UBXN6: variants seen among roughly 807,000 people sequenced by gnomAD.
The protein encoded by UBXN6 is UBX domain-containing protein 6.
UBXN6 carries 44 observed loss-of-function variants against 51.4 expected under a neutral mutation model. The ratio of observed to expected loss-of-function variants is 0.86; its 90% confidence interval spans 0.67 to 1.10. The LOEUF is 1.10. Among genes scored for constraint, UBXN6 ranks in the 50% least tolerant of loss-of-function variants. UBXN6 has a pLI of 0.00. For missense variants in UBXN6, 672 were observed against 596.1 expected, an observed-to-expected ratio of 1.13 and a Z score of -1.32; for synonymous variants, 316 against 263.2, an observed-to-expected ratio of 1.20 and a Z score of -1.94.
Position 4,457,769 on chromosome 19 carries a change from C to G in UBXN6, c.-72G>C. On this transcript the variant is annotated 5_prime_UTR_variant, in exon 1 of 11. Coordinates refer to ENST00000301281, the MANE Select transcript of UBXN6 (RefSeq NM_025241.3). ...CGGGGCCCAGTCGGGGACGGGGCCG[C>G]CGGAGACCAGCCACCGGAAGAAAAT... is the stretch of plus-strand genomic sequence containing the variant. 1 of 743,142 alleles carries G rather than the reference C, an allele frequency of 1.3e-6. No homozygotes were observed. The highest frequency in any genetic ancestry group is 1.9e-6 in the Non-Finnish European group (1 of 533,184). 46.0% of individuals were successfully genotyped at this position (743,142 alleles called of 1,614,324 possible).
chr19:4,453,757 A>C (rs1974695025), intron 2 of UBXN6, among the ~76,000 whole-genome samples, 173 bp downstream of exon 2: 2 of 149,026 alleles, frequency 1.3e-5, no homozygotes, highest in African/African-American at 2.5e-5. Flanking sequence ...CTCTGCTCCC[A>C]CCCCCTCCCC....
At chr19:4,447,528 G>T (rs200183933) in intron 6 of UBXN6, 22 bp downstream of exon 6, 106 of 1,611,238 alleles carry the variant, frequency 6.6e-5, no homozygotes, top group Admixed American at 1.3e-4. Context: ...CCTGGGCCCC[G>T]GGGGCCAGAA....
At chr19:4,447,914 AAG>A (rs533661161) in intron 5 of UBXN6, 66 of 508,748 alleles carry the variant, frequency 1.3e-4, no homozygotes, top group African/African-American at 1.1e-3. Context: ...ACAGTGCCGG[AAG>A]AGTGGAGAGC....
intron 4 of UBXN6, chr19:4,449,639 G>A (rs570297464): frequency 1.2e-3 from 186 of 152,424 alleles, no homozygotes; most frequent in Admixed American, 2.1e-3. Context: ...CGTTTTGGGC[G>A]ACTGGCTGCC....
In UBXN6 at chr19:4,445,430, G is replaced by A. The variant is rs1974485529; in HGVS notation, c.*68C>T. 1 of 1,600,516 alleles carries A rather than the reference G, an allele frequency of 6.2e-7. No homozygotes were observed. The highest frequency in any genetic ancestry group is 2.2e-5 in the East Asian group (1 of 44,598). ...CCAGAGGTGGCTTGGAGGCCCTGGG[G>A]TGGCGGGGAGAGGAACAGGGAGAGC... On this transcript the variant is annotated 3_prime_UTR_variant, in exon 11 of 11. Transcript: ENST00000301281.
At chr19:4,446,475 T>C in intron 8 of UBXN6, 25 bp downstream of exon 8, 3 of 1,595,664 alleles carry the variant, frequency 1.9e-6, no homozygotes, top group Non-Finnish European at 2.6e-6. Context: ...CCCGCCCCAC[T>C]CTGCTCCGCG....
At position 4,445,621 on chromosome 19, in the gene UBXN6, C is replaced by A; in HGVS notation, c.1203G>T (p.Val401=). The change falls in exon 11 of 11, where the codon GTG becomes GTT. Residue 401 remains valine, a splice_region_variant and synonymous_variant. Transcript: ENST00000301281. ...ENLALNECGL[V]PSALLTFSWD... ...ACGAGAAGGTCAGGAGGGCAGAGGG[C>A]ACCTGCGGTAGGGGTAGGCCGTCAC... 13 of 1,612,850 alleles carry A rather than the reference C, an allele frequency of 8.1e-6. No individual in the cohort carries two copies. Among genetic ancestry groups the A allele is most frequent in the Non-Finnish European group, 1.1e-5 (13 of 1,179,832 alleles).
At chr19:4,454,179 C>T in intron 1 of UBXN6, 86 bp from the exon 2 acceptor site, 2 of 1,395,766 alleles carry the variant, frequency 1.4e-6, no homozygotes, top group Non-Finnish European at 1.9e-6. Context: ...AGCTTCTGCC[C>T]CTCCCCAGCA....
chr19:4,446,631 CGCAGCCA>C lies in UBXN6; in HGVS notation c.782_788del (p.Leu261ArgfsTer52), dbSNP rs1568188795. 6.2e-7 allele frequency: 1 copy of C among 1,612,516 alleles called. No homozygotes were observed. The highest frequency in any genetic ancestry group is 8.5e-7 in the Non-Finnish European group (1 of 1,179,728). ...TGTCCAGCTTGGCGCGCACGGGCTC[CGCAGCCA>C]GCAGCTGTTCCTTGTGCCTCTCCAG... is the stretch of plus-strand genomic sequence containing the variant. On this transcript the variant is annotated frameshift_variant, in exon 8 of 11. Transcript: ENST00000301281. LOFTEE classifies it high-confidence loss of function.
chr19:4,457,245 C>A (rs970736691), intron 1 of UBXN6, among the ~76,000 whole-genome samples: 4 of 144,954 alleles, frequency 2.8e-5, no homozygotes, highest in East Asian at 1.9e-4. Flanking sequence ...GTTCCACTGA[C>A]CCCCAACTGC....
At chr19:4,452,824 C>G (rs1328633873) in intron 3 of UBXN6, among the ~76,000 whole-genome samples, 1 of 152,200 alleles carries the variant, frequency 6.6e-6, no homozygotes, top group African/African-American at 2.4e-5. Flanking sequence ...GGAAGGAGCT[C>G]TGTGTGGGTG....
intron 1 of UBXN6, 122 bp from the exon 2 acceptor site, chr19:4,454,215 ATGT>A: frequency 8.7e-7 from 1 of 1,155,156 alleles, no homozygotes; most frequent in Non-Finnish European, 1.2e-6. Flanking sequence ...GTCCCTGCCT[ATGT>A]GGGCCAGGAC....
chr19:4,450,312 C>G (rs1974629521), intron 4 of UBXN6: 1 of 151,308 alleles, frequency 6.6e-6, no homozygotes, highest in African/African-American at 2.4e-5. Flanking sequence ...TGACCCCAAA[C>G]CCAAAAGCCA....
At chr19:4,448,023 G>C (rs565334741) in intron 5 of UBXN6, 1 of 529,740 alleles carries the variant, frequency 1.9e-6, no homozygotes, top group African/African-American at 1.9e-5. Context: ...CCCCGATCCT[G>C]AGACCCGGGG....
intron 3 of UBXN6, 43 bp downstream of exon 3, chr19:4,453,415 C>T (rs1974687660): frequency 6.2e-7 from 1 of 1,601,360 alleles, no homozygotes; most frequent in Non-Finnish European, 8.5e-7. Context: ...CAAGCTGTCC[C>T]CACCCCTTGG....
chr19:4,457,794 TTAAAAAAAAAAAA>T (rs1225597550), upstream of UBXN6: 19 of 161,546 alleles, frequency 1.2e-4, 1 homozygote, highest in Non-Finnish European at 1.8e-4. Context: ...CGGAAGAAAA[TTAAAAAAAAAAAA>T]AAAAAAAAAA....
In UBXN6 at chr19:4,457,715, CGGCGGGGGGCCGCGGG is replaced by C; in HGVS notation, c.-34_-19del. On this transcript the variant is annotated 5_prime_UTR_variant, in exon 1 of 11. Coordinates refer to ENST00000301281, the MANE Select transcript of UBXN6 (RefSeq NM_025241.3). ...TTCTTCATGGTGGCGGCTGGCCCGG[CGGCGGGGGGCCGCGGG>C]GGCGGGGGGGCACGGGGCCCAGTCG... 2 of 1,396,528 alleles carry C rather than the reference CGGCGGGGGGCCGCGGG, an allele frequency of 1.4e-6. No homozygotes were observed. The highest frequency in any genetic ancestry group is 3.6e-5 in the East Asian group (1 of 27,572). 86.5% of individuals were successfully genotyped at this position (1,396,528 alleles called of 1,614,324 possible). A position where few individuals can be genotyped will look rare whatever the true frequency, so the allele number is the denominator to read the frequency against.
intron 4 of UBXN6, 89 bp downstream of exon 4, chr19:4,452,275 G>A: frequency 6.5e-7 from 1 of 1,546,316 alleles, no homozygotes; most frequent in Non-Finnish European, 8.7e-7. Context: ...GACTCTGGGA[G>A]GGATCTGTAC....
rs375058270 is a variant in UBXN6 at position 4,455,911 on chromosome 19, C to G, written c.83+1704G>C. On this transcript the variant is annotated intron_variant, in intron 1 of 10. Coordinates refer to ENST00000301281, the MANE Select transcript of UBXN6 (RefSeq NM_025241.3). ...TGGAGGCCCTGGGCACTCATCCAAG[C>G]ACTCATCGCCTGAGCGCTCATCCAA... Among the ~76,000 whole-genome samples, 7 of 152,214 alleles carry G rather than the reference C, an allele frequency of 4.6e-5. No homozygotes were observed. In the East Asian group the frequency reaches 1.4e-3, roughly 29 times the overall value.
Sources: allele counts gnomAD v4.1 joint callset (sites outside exome capture counted in the v4.1 genomes callset), GRCh38; gene constraint gnomAD v4.1.1; transcripts MANE v1.5; gene names NCBI Gene and HGNC (gene_info 2026-07-23, HGNC 2026-07-21).